Variants in ARHGEF10 observed in about 807,000 individuals in gnomAD.
ARHGEF10 encodes Rho guanine nucleotide exchange factor (GEF) 10.
A neutral mutation model predicts 147.4 loss-of-function variants in ARHGEF10; 140 were observed. That is an observed-to-expected ratio of 0.95 (90% confidence interval 0.83 to 1.09). The LOEUF (loss-of-function observed/expected upper bound fraction) is 1.09, where lower values mean the gene tolerates loss of function less well. Ranked by LOEUF, ARHGEF10 falls within the 50% of genes least tolerant of loss-of-function variation. The pLI is 0.00. For synonymous variants in ARHGEF10, 902 were observed against 695.8 expected, an observed-to-expected ratio of 1.30 and a Z score of -4.67; for missense variants, 2,222 against 1,752.7, an observed-to-expected ratio of 1.27 and a Z score of -4.78.
At chr8:1,893,910 A>G in intron 12 of ARHGEF10, among the ~76,000 whole-genome samples, 1 of 152,134 alleles carries the variant, frequency 6.6e-6, no homozygotes, top group East Asian at 1.9e-4. Flanking sequence ...TCGGTGGCTC[A>G]CCCCTGTAAT....
intron 18 of ARHGEF10, among the ~76,000 whole-genome samples, chr8:1,919,966 C>T (rs539222516): frequency 1.4e-5 from 2 of 147,704 alleles, no homozygotes; most frequent in Non-Finnish European, 3.0e-5. Context: ...GGTGATGGAG[C>T]TGTTCTGTGG....
At chr8:1,896,230 C>T in intron 13 of ARHGEF10, 103 bp from the exon 14 acceptor site, 1 of 887,244 alleles carries the variant, frequency 1.1e-6, no homozygotes, top group Non-Finnish European at 1.9e-6. Flanking sequence ...ATCACAGTGA[C>T]CGAAAGAGTA....
Position 1,929,372 on chromosome 8 carries a change from T to G in ARHGEF10, c.3008T>G (p.Leu1003Arg), listed in dbSNP as rs749507088. 1 of 1,613,790 alleles carries G rather than the reference T, an allele frequency of 6.2e-7. No individual in the cohort carries two copies. The highest frequency in any genetic ancestry group is 2.2e-5 in the East Asian group (1 of 44,882). Residue 1003 changes from leucine to arginine, a missense_variant, in exon 25 of 29, where the codon CTG (leucine) becomes CGG (arginine). Transcript: ENST00000349830. ...FTPEKSTVMS[L>R]ACTSQSLYAG... ...CCTGAGAAGTCCACAGTCATGAGCC[T>G]GGCTTGCACGTCTCAGAGCCTGTAC...
At chr8:1,865,737 T>A (rs1167153319) in intron 5 of ARHGEF10, among the ~76,000 whole-genome samples, 1 of 152,142 alleles carries the variant, frequency 6.6e-6, no homozygotes, top group Non-Finnish European at 1.5e-5. Context: ...TTAGTGACCC[T>A]TCCCATAGGA....
At chr8:1,913,525 C>G (rs1349162926) in intron 18 of ARHGEF10, among the ~76,000 whole-genome samples, 1 of 152,218 alleles carries the variant, frequency 6.6e-6, no homozygotes, top group Non-Finnish European at 1.5e-5. Flanking sequence ...GTGTTCCTCG[C>G]TGTAAGGTCA....
Position 1,877,893 on chromosome 8 carries a change from A to C in ARHGEF10, c.843+1159A>C, listed in dbSNP as rs1267338791. On this transcript the variant is annotated intron_variant, in intron 8 of 28. Transcript: ENST00000349830. The stretch of plus-strand genomic sequence containing the variant: ...TGGTGAACGGATGCCCGCCATAGTG[A>C]CAGTTGTCGATAACCGGTGTTATCC... 3.3e-5 allele frequency among the ~76,000 whole-genome samples: 5 copies of C among 151,990 alleles called. No individual in the cohort carries two copies. In the East Asian group the frequency reaches 9.7e-4, roughly 29 times the overall value.
chr8:1,896,126 C>A (rs750216397), intron 13 of ARHGEF10, among the ~76,000 whole-genome samples: 2 of 151,978 alleles, frequency 1.3e-5, no homozygotes, highest in Non-Finnish European at 2.9e-5. Context: ...GCTCTGGAGT[C>A]AAAAAATAAG....
At chr8:1,871,978 C>G (rs972269154) in intron 7 of ARHGEF10, among the ~76,000 whole-genome samples, 8 of 151,606 alleles carry the variant, frequency 5.3e-5, no homozygotes, top group African/African-American at 1.9e-4. Context: ...TTAACAAAAC[C>G]AAAGGTTGGT....
chr8:1,941,155 A>G (rs1197459860), intron 26 of ARHGEF10, among the ~76,000 whole-genome samples: 3 of 152,246 alleles, frequency 2.0e-5, no homozygotes, highest in Non-Finnish European at 2.9e-5. Flanking sequence ...GAGGACTCAG[A>G]TGAAAGGAAG....
upstream of ARHGEF10, among the ~76,000 whole-genome samples, chr8:1,823,415 G>A (rs1047446539): frequency 2.0e-5 from 3 of 151,506 alleles, no homozygotes; most frequent in Non-Finnish European, 4.4e-5. Flanking sequence ...TCGGCTGGGC[G>A]CACCCCGGGT....
At chr8:1,930,296 C>G (rs1051495527) in intron 25 of ARHGEF10, among the ~76,000 whole-genome samples, 7 of 152,102 alleles carry the variant, frequency 4.6e-5, no homozygotes, top group African/African-American at 1.7e-4. Context: ...TTATCTTTCC[C>G]AGGCCATCCA....
chr8:1,874,789 G>A (rs980088109), intron 7 of ARHGEF10, among the ~76,000 whole-genome samples: 33 of 147,646 alleles, frequency 2.2e-4, no homozygotes, highest in African/African-American at 7.5e-4. Context: ...GGCGTGTAGG[G>A]GGTAGAGGTT....
At chr8:1,932,441 T>C (rs1813227061) in intron 25 of ARHGEF10, among the ~76,000 whole-genome samples, 1 of 152,186 alleles carries the variant, frequency 6.6e-6, no homozygotes, top group African/African-American at 2.4e-5. Flanking sequence ...TGGGTGTGTG[T>C]GCACATGTGC....
chr8:1,832,207 G>T (rs954673503), intron 1 of ARHGEF10, among the ~76,000 whole-genome samples: 121 of 149,498 alleles, frequency 8.1e-4, no homozygotes, highest in Middle Eastern at 3.4e-3. Context: ...CCAAGGGATG[G>T]AGCGTCCGTA....
At chr8:1,936,064 C>A (rs1813576538) in intron 26 of ARHGEF10, among the ~76,000 whole-genome samples, 1 of 152,186 alleles carries the variant, frequency 6.6e-6, no homozygotes, top group African/African-American at 2.4e-5. Context: ...CTCACACCTG[C>A]ATTTTTCAGC....
intron 1 of ARHGEF10, among the ~76,000 whole-genome samples, chr8:1,838,442 C>T (rs949161314): frequency 1.3e-5 from 2 of 152,276 alleles, no homozygotes; most frequent in Admixed American, 6.5e-5. Context: ...ACCCGGCACC[C>T]GCCCAGCCTG....
At position 1,870,233 on chromosome 8, in the gene ARHGEF10, A is replaced by ATTT. The variant is rs60029592; in HGVS notation, c.679+1007_679+1009dup. 262 of 98,754 alleles carry ATTT rather than the reference A, an allele frequency of 2.7e-3. 12 individuals are homozygous for ATTT. Among genetic ancestry groups the ATTT allele is most frequent in the African/African-American group, 9.3e-3 (230 of 24,630 alleles). The allele number at this position is 98,754 out of a possible 1,614,324, so 6.1% of individuals were successfully genotyped here. On this transcript the variant is annotated intron_variant, in intron 7 of 28. Coordinates refer to ENST00000349830, the MANE Select transcript of ARHGEF10 (RefSeq NM_014629.4). The stretch of plus-strand genomic sequence containing the variant: ...TTTCAGGGGGAGGATCTTGTTACCG[A>ATTT]TTTTTTTTTTTTTTTTTTTTTTTTT...
chr8:1,831,437 TGTGGAGGGACAGTGTGACGGC>T (rs1803096247), intron 1 of ARHGEF10, among the ~76,000 whole-genome samples: 1 of 67,250 alleles, frequency 1.5e-5, no homozygotes, highest in Non-Finnish European at 3.2e-5. Flanking sequence ...GTGTGACATC[TGTGGAGGGACAGTGTGACGGC>T]CGTGGAGGGA....
In ARHGEF10 at chr8:1,948,354, CAT is replaced by C. The variant is rs1338072808; in HGVS notation, c.3397+2700_3397+2701del. 1.3e-5 allele frequency among the ~76,000 whole-genome samples: 2 copies of C among 152,206 alleles called. No homozygotes were observed. The highest frequency in any genetic ancestry group is 2.4e-5 in the African/African-American group (1 of 41,456). ...TTTTAGACCCGCATGAAAGCAAACA[CAT>C]GAGTCTGTCCAGATGGAGTGCCGTG... On this transcript the variant is annotated intron_variant, in intron 27 of 28. Transcript: ENST00000349830. This position sits in a 1 kb window ranked among gnomAD's most constrained non-coding sequence, Gnocchi z 4.9.
Sources: allele counts gnomAD v4.1 joint callset (sites outside exome capture counted in the v4.1 genomes callset), GRCh38; gene constraint gnomAD v4.1.1; non-coding constraint Gnocchi (gnomAD v3.1); transcripts MANE v1.5; gene names NCBI Gene and HGNC (gene_info 2026-07-23, HGNC 2026-07-21).